HS6ST3: variants seen among roughly 807,000 people sequenced by gnomAD.
HS6ST3 encodes the protein heparan sulfate 6-O-sulfotransferase 3.
In HS6ST3, 12 loss-of-function variants were observed where a neutral mutation model predicts 36.7. The observed-to-expected ratio is 0.33, with a 90% CI of 0.21 to 0.53. The LOEUF is 0.53. HS6ST3 is among the 20% of genes least tolerant of loss of function. The pLI is 0.95. For missense variants in HS6ST3, 584 were observed against 640.9 expected (o/e 0.91, Z 0.96); for synonymous variants, 240 against 257.5 (o/e 0.93, Z 0.65).
chr13:96,491,574 A>G (rs1043873115), intron 1 of HS6ST3, among the ~76,000 whole-genome samples: 2 of 151,988 alleles, frequency 1.3e-5, no homozygotes, highest in Non-Finnish European at 2.9e-5. Context: ...CTGCTTCTAA[A>G]TCGGACATCT....
chr13:96,498,202 A>G (rs114789523), intron 1 of HS6ST3, among the ~76,000 whole-genome samples: 7,821 of 152,274 alleles, frequency 0.051, 244 homozygotes, highest in Middle Eastern at 0.075. Flanking sequence ...AGTTCATTTA[A>G]TGGTAACCCA....
intron 1 of HS6ST3, among the ~76,000 whole-genome samples, chr13:96,669,186 G>A (rs922714322): frequency 5.3e-5 from 8 of 152,140 alleles, no homozygotes; most frequent in African/African-American, 1.9e-4. Context: ...ATCTTCTTAG[G>A]TATAAACCCT....
chr13:96,707,269 A>C (rs1166356633), intron 1 of HS6ST3, among the ~76,000 whole-genome samples: 1 of 152,184 alleles, frequency 6.6e-6, no homozygotes, highest in African/African-American at 2.4e-5. Context: ...CCTCCATGTG[A>C]GAATATGGCA....
chr13:96,531,820 C>T (rs1046264850), intron 1 of HS6ST3, among the ~76,000 whole-genome samples: 8 of 152,176 alleles, frequency 5.3e-5, no homozygotes, highest in Non-Finnish European at 7.3e-5. Flanking sequence ...GTTGGGGCAA[C>T]GTGTATAATA....
intron 1 of HS6ST3, among the ~76,000 whole-genome samples, chr13:96,110,442 G>T (rs571574): frequency 0.83 from 121,460 of 145,984 alleles, 50,574 homozygotes; most frequent in East Asian, 0.91. Flanking sequence ...GTGTGTGTGT[G>T]TTTTTTTTTT....
intron 1 of HS6ST3, among the ~76,000 whole-genome samples, chr13:96,443,265 T>C (rs2055681822): frequency 6.6e-6 from 1 of 152,066 alleles, no homozygotes. Flanking sequence ...GTGCGGTGGC[T>C]CACGCCTGTA....
intron 1 of HS6ST3, among the ~76,000 whole-genome samples, chr13:96,571,494 GTGTCAGGTTCC>G (rs2056300816): frequency 2.0e-5 from 3 of 152,198 alleles, no homozygotes; most frequent in African/African-American, 7.2e-5. Flanking sequence ...ATGTTTATCT[GTGTCAGGTTCC>G]TCTTTATTAA....
At chr13:96,517,447 C>T (rs940344068) in intron 1 of HS6ST3, among the ~76,000 whole-genome samples, 11 of 152,256 alleles carry the variant, frequency 7.2e-5, no homozygotes, top group African/African-American at 2.6e-4. Flanking sequence ...ATAGGCTTCC[C>T]AGGGAGATGG....
At chr13:96,188,043 C>T (rs1422727795) in intron 1 of HS6ST3, among the ~76,000 whole-genome samples, 1 of 152,124 alleles carries the variant, frequency 6.6e-6, no homozygotes, top group South Asian at 2.1e-4. Flanking sequence ...GTATACAAAA[C>T]AGACATATGT....
chr13:96,610,727 T>C (rs1249963271), intron 1 of HS6ST3, among the ~76,000 whole-genome samples: 2 of 152,178 alleles, frequency 1.3e-5, no homozygotes, highest in Non-Finnish European at 2.9e-5. Context: ...ATACAATTGA[T>C]GTTTTACTTC....
At chr13:96,516,919 C>T (rs572453940) in intron 1 of HS6ST3, among the ~76,000 whole-genome samples, 22 of 152,262 alleles carry the variant, frequency 1.4e-4, no homozygotes, top group East Asian at 7.7e-4. Context: ...TTCAGAGCTA[C>T]GGTGAGGTTC....
intron 1 of HS6ST3, among the ~76,000 whole-genome samples, chr13:96,124,907 A>G (rs184181166): frequency 3.9e-5 from 6 of 152,308 alleles, no homozygotes; most frequent in Admixed American, 3.9e-4. Flanking sequence ...ACTGATAGCT[A>G]TAGAGATATA....
intron 1 of HS6ST3, among the ~76,000 whole-genome samples, chr13:96,648,753 T>C (rs1594826844): frequency 6.6e-6 from 1 of 152,184 alleles, no homozygotes; most frequent in Non-Finnish European, 1.5e-5. Context: ...CATGCGGTGT[T>C]TGGTTTTCTG....
chr13:96,267,054 GT>G (rs1247652952), intron 1 of HS6ST3, among the ~76,000 whole-genome samples: 1 of 152,096 alleles, frequency 6.6e-6, no homozygotes, highest in East Asian at 1.9e-4. Flanking sequence ...CTCGGAGCGG[GT>G]TTTTTGTGTG....
intron 1 of HS6ST3, among the ~76,000 whole-genome samples, chr13:96,432,424 A>T (rs960533908): frequency 5.3e-5 from 8 of 152,166 alleles, no homozygotes; most frequent in African/African-American, 1.9e-4. Flanking sequence ...CTTTTAAAAG[A>T]TATCTTTTCT....
At chr13:96,509,726 C>T (rs1444921419) in intron 1 of HS6ST3, among the ~76,000 whole-genome samples, 1 of 152,096 alleles carries the variant, frequency 6.6e-6, no homozygotes, top group African/African-American at 2.4e-5. Flanking sequence ...TACCAGTAAC[C>T]TGCTGTTTTA....
intron 1 of HS6ST3, among the ~76,000 whole-genome samples, chr13:96,780,354 T>C (rs537835198): frequency 6.6e-6 from 1 of 152,248 alleles, no homozygotes; most frequent in East Asian, 1.9e-4. Context: ...CCAAGTCTTA[T>C]AAAAAGAGAT....
chr13:96,551,766 C>T (rs915478854), intron 1 of HS6ST3, among the ~76,000 whole-genome samples: 3 of 152,080 alleles, frequency 2.0e-5, no homozygotes, highest in East Asian at 1.9e-4. Context: ...GCCTACTGCT[C>T]GTCACACATC....
At chr13:96,762,428 C>T (rs750657378) in intron 1 of HS6ST3, among the ~76,000 whole-genome samples, 1 of 152,114 alleles carries the variant, frequency 6.6e-6, no homozygotes, top group Admixed American at 6.5e-5. Flanking sequence ...TGCAGTGAGC[C>T]GATACAGTGC....
Sources: gnomAD v4.1 joint callset for allele counts (sites outside exome capture counted in the v4.1 genomes callset) on GRCh38, gnomAD v4.1.1 for gene constraint, MANE v1.5 for transcripts, NCBI Gene and HGNC (gene_info 2026-07-23, HGNC 2026-07-21) for gene names.